Variants in NCOA2 observed in about 807,000 individuals in gnomAD.
The protein encoded by NCOA2 is nuclear receptor coactivator 2, also known as class E basic helix-loop-helix protein 75.
Under a neutral mutation model 145.1 loss-of-function variants are expected in NCOA2, and 21 were observed. The observed-to-expected ratio is 0.14, with a 90% CI of 0.10 to 0.21. NCOA2 has a LOEUF of 0.21. Among genes scored for constraint, NCOA2 ranks in the 10% least tolerant of loss-of-function variants. The probability of loss-of-function intolerance (pLI) is 1.00; values close to 1 mark genes in which losing one functional copy is unlikely to be tolerated. For missense variants in NCOA2, 1,472 were observed against 1,837.6 expected, an observed-to-expected ratio of 0.80 and a Z score of 3.64; for synonymous variants, 619 against 637.5, an observed-to-expected ratio of 0.97 and a Z score of 0.44.
chr8:70,246,715 A>G (rs1056954009), intron 2 of NCOA2, among the ~76,000 whole-genome samples: 6 of 151,592 alleles, frequency 4.0e-5, no homozygotes, highest in Non-Finnish European at 8.8e-5. Flanking sequence ...AACAACTCCT[A>G]TTTCCTCCTC....
intron 12 of NCOA2, among the ~76,000 whole-genome samples, chr8:70,145,606 C>T: frequency 6.6e-6 from 1 of 151,318 alleles, no homozygotes; most frequent in East Asian, 1.9e-4. Flanking sequence ...CAGGCCTGAG[C>T]CACTGTGCCC....
rs115326226 is a variant in NCOA2 at position 70,137,629 on chromosome 8, A to G, written c.3158+574T>C. 5.8e-3 allele frequency among the ~76,000 whole-genome samples: 891 copies of G among 152,354 alleles called. 5 individuals carry two copies. The highest frequency in any genetic ancestry group is 0.02 in the African/African-American group (829 of 41,586). ...GGACTGTGAGAAACCACCACCTCCAAGTATGACAGCAGCTCCAAGTGCGAC... is the reference window on the plus strand; with the variant it reads ...GGACTGTGAGAAACCACCACCTCCAGGTATGACAGCAGCTCCAAGTGCGAC... On this transcript the variant is annotated intron_variant, in intron 15 of 22. Coordinates refer to ENST00000452400, the MANE Select transcript of NCOA2 (RefSeq NM_006540.4).
At chr8:70,443,919 A>G in the NCOA2 span, among the ~76,000 whole-genome samples, 6 of 152,358 alleles carry the variant, frequency 3.9e-5, no homozygotes, top group African/African-American at 1.2e-4. Context: ...TCATGGTCAC[A>G]TGAATCTTAG....
chr8:70,291,815 G>A (rs1264673981), intron 2 of NCOA2, among the ~76,000 whole-genome samples: 1 of 152,106 alleles, frequency 6.6e-6, no homozygotes, highest in Non-Finnish European at 1.5e-5. Context: ...GAATAAGTTG[G>A]CCGGGCGGGC....
At chr8:70,427,590 A>C in the NCOA2 span, among the ~76,000 whole-genome samples, 6 of 152,326 alleles carry the variant, frequency 3.9e-5, no homozygotes, top group East Asian at 7.7e-4. Flanking sequence ...TGAATATTCT[A>C]AAAGCCCTTA....
chr8:70,126,583 T>C, intron 19 of NCOA2: 1 of 570,368 alleles, frequency 1.8e-6, no homozygotes, highest in Non-Finnish European at 3.2e-6. Context: ...AAGTAAGACC[T>C]GCACTCAGAG....
At chr8:70,335,046 C>G (rs533962504) in intron 1 of NCOA2, among the ~76,000 whole-genome samples, 5 of 137,024 alleles carry the variant, frequency 3.6e-5, no homozygotes, top group African/African-American at 1.1e-4. Context: ...TCTCTTGAAC[C>G]TGGGAGGTGG....
chr8:70,257,622 C>T (rs193027119), intron 2 of NCOA2, among the ~76,000 whole-genome samples: 4 of 152,156 alleles, frequency 2.6e-5, no homozygotes, highest in African/African-American at 9.7e-5. Context: ...GGCAGCACGC[C>T]TCACATCGCT....
intron 22 of NCOA2, among the ~76,000 whole-genome samples, chr8:70,120,743 C>CA (rs1329098016): frequency 2.0e-5 from 3 of 151,464 alleles, no homozygotes; most frequent in Admixed American, 1.3e-4. Context: ...CAAAACAAAA[C>CA]AAAAAAACAA....
intron 6 of NCOA2, among the ~76,000 whole-genome samples, chr8:70,166,980 A>G (rs933952477): frequency 6.6e-6 from 1 of 151,772 alleles, no homozygotes; most frequent in African/African-American, 2.4e-5. Context: ...TTCTTTTATT[A>G]TACTTCAAGT....
chr8:70,224,987 C>T lies in NCOA2; in HGVS notation c.-19-8223G>A, dbSNP rs140302314. On this transcript the variant is annotated intron_variant, in intron 2 of 22. Coordinates refer to ENST00000452400, the MANE Select transcript of NCOA2 (RefSeq NM_006540.4). ...CTCCTGTCCAGAGTCTCAGTCTCCA[C>T]TGGAGTACTTAAGTTGCCCATCATC... 1.3e-4 allele frequency among the ~76,000 whole-genome samples: 20 copies of T among 152,156 alleles called. No homozygotes were observed. In the East Asian group the frequency reaches 3.9e-3, roughly 29 times the overall value.
intron 2 of NCOA2, among the ~76,000 whole-genome samples, chr8:70,264,400 T>G (rs1824392294): frequency 6.6e-6 from 1 of 151,898 alleles, no homozygotes; most frequent in African/African-American, 2.4e-5. Context: ...GAGGCTGAGG[T>G]GGGTGGATCC....
intron 12 of NCOA2, among the ~76,000 whole-genome samples, chr8:70,145,463 T>C (rs549180957): frequency 1.1e-4 from 17 of 152,216 alleles, no homozygotes; most frequent in Non-Finnish European, 1.9e-4. Context: ...TAGCTGGGAC[T>C]ACAGCTGTGC....
the NCOA2 span, among the ~76,000 whole-genome samples, chr8:70,441,697 A>G: frequency 6.6e-6 from 1 of 151,248 alleles, no homozygotes; most frequent in African/African-American, 2.4e-5. Context: ...GGAAGAAGAA[A>G]GAAAAGAAAA....
chr8:70,292,128 C>G (rs1409857945), intron 2 of NCOA2, among the ~76,000 whole-genome samples: 2 of 151,278 alleles, frequency 1.3e-5, no homozygotes, highest in African/African-American at 2.4e-5. Flanking sequence ...GAAATCAGTG[C>G]CCTGTTTTTT....
intron 1 of NCOA2, among the ~76,000 whole-genome samples, chr8:70,327,067 T>C (rs189000757): frequency 6.6e-6 from 1 of 152,290 alleles, no homozygotes; most frequent in African/African-American, 2.4e-5. Flanking sequence ...ACTTCAAAGT[T>C]TTCCATTCAT....
intron 1 of NCOA2, among the ~76,000 whole-genome samples, chr8:70,315,165 A>G (rs538777178): frequency 4.3e-4 from 66 of 152,332 alleles, no homozygotes; most frequent in Non-Finnish European, 7.8e-4. Flanking sequence ...TGATGATACA[A>G]AAGTCATTCT....
At chr8:70,365,768 T>C (rs973310084) in intron 1 of NCOA2, among the ~76,000 whole-genome samples, 7 of 152,110 alleles carry the variant, frequency 4.6e-5, no homozygotes, top group African/African-American at 1.4e-4. Flanking sequence ...AAAACACTGC[T>C]CTAAGTTCTC....
chr8:70,350,271 C>A (rs988222355), intron 1 of NCOA2, among the ~76,000 whole-genome samples: 2 of 152,184 alleles, frequency 1.3e-5, no homozygotes, highest in East Asian at 3.9e-4. Flanking sequence ...ATTCAAGACT[C>A]CTCAGTTAAT....
Sources: gnomAD v4.1 joint callset for allele counts (sites outside exome capture counted in the v4.1 genomes callset) on GRCh38, gnomAD v4.1.1 for gene constraint, MANE v1.5 for transcripts, NCBI Gene and HGNC (gene_info 2026-07-23, HGNC 2026-07-21) for gene names.